The following POLD2 variants were observed in gnomAD, a reference collection of about 807,000 sequenced individuals.
The protein encoded by POLD2 is DNA polymerase delta 2, accessory subunit, also known as DNA polymerase delta subunit 2.
A neutral mutation model predicts 48.8 loss-of-function variants in POLD2; 31 were observed. The ratio of observed to expected loss-of-function variants is 0.64; its 90% confidence interval spans 0.48 to 0.86. POLD2 has a LOEUF of 0.86. Among genes scored for constraint, POLD2 ranks in the 40% least tolerant of loss-of-function variants. The pLI is 0.00. For synonymous variants in POLD2, 233 were observed against 256.3 expected (o/e 0.91, Z 0.87); for missense variants, 455 against 610.1 (o/e 0.75, Z 2.68).
At chr7:44,118,940 C>T (rs1485954302) in intron 2 of POLD2, among the ~76,000 whole-genome samples, 1 of 152,122 alleles carries the variant, frequency 6.6e-6, no homozygotes, top group Non-Finnish European at 1.5e-5. Flanking sequence ...AAGAAGCATG[C>T]CAAGTCTCAA....
chr7:44,122,307 A>G (rs1317240757), intron 1 of POLD2, 198 bp from the exon 2 acceptor site: 1 of 1,385,798 alleles, frequency 7.2e-7, no homozygotes, highest in African/African-American at 1.5e-5. Context: ...CAAAAAGAGA[A>G]AAGGAAAGCT....
At chr7:44,123,325 C>T (rs888553430) in intron 1 of POLD2, 186 bp downstream of exon 1, 1 of 1,365,776 alleles carries the variant, frequency 7.3e-7, no homozygotes, top group African/African-American at 1.5e-5. Flanking sequence ...GCAGCCAGGC[C>T]GCGCTACTCG....
chr7:44,116,762 T>TA lies in POLD2; in HGVS notation c.780+54dup. ...TACTCGCCCTGGGGAAGGAGGGTCTTACAGGCTTGCAGGCTCCTGGGCTGG... is the reference window on the plus strand; with the variant it reads ...TACTCGCCCTGGGGAAGGAGGGTCTTAACAGGCTTGCAGGCTCCTGGGCTGG... On this transcript the variant is annotated intron_variant, in intron 6 of 10. Transcript: ENST00000610533. The surrounding 1 kb of genome is among the most constrained non-coding windows in gnomAD (Gnocchi z 6.1). 6.3e-7 allele frequency: 1 copy of TA among 1,586,858 alleles called. No homozygotes were observed. Among genetic ancestry groups the TA allele is most frequent in the East Asian group, 2.2e-5 (1 of 44,708 alleles).
Position 44,116,572 on chromosome 7 carries a change from A to C in POLD2, c.781-62T>G, listed in dbSNP as rs1213746563. The C allele has an allele frequency of 1.5e-6, 2 of 1,309,642 alleles. No individual in the cohort carries two copies. The highest frequency in any genetic ancestry group is 2.2e-6 in the Non-Finnish European group (2 of 928,872). 81.1% of individuals were successfully genotyped at this position (1,309,642 alleles called of 1,614,324 possible). ...GAGTCCCAGGCTCAGAGGAGAGTAGAGCCCCACCAGCTGGAAGATGCAGTT... is the reference window on the plus strand; with the variant it reads ...GAGTCCCAGGCTCAGAGGAGAGTAGCGCCCCACCAGCTGGAAGATGCAGTT... On this transcript the variant is annotated intron_variant, in intron 6 of 10. Coordinates refer to ENST00000610533, the MANE Select transcript of POLD2 (RefSeq NM_006230.4). The surrounding 1 kb of genome is among the most constrained non-coding windows in gnomAD (Gnocchi z 6.1).
rs2096248780 is a variant in POLD2, at chr7:44,121,936, G to A, written c.118C>T (p.Arg40Trp). The change falls in exon 2 of 11, where the codon CGG (arginine) becomes TGG (tryptophan). Residue 40 changes from arginine to tryptophan, a missense_variant. This residue lies in a region of POLD2 where 349 missense variants were observed against 437.4 expected (regional missense o/e 0.80). Transcript: ENST00000610533. The surrounding 1 kb of genome is among the most constrained non-coding windows in gnomAD (Gnocchi z 4.5). ...CGGCTAAAGCTGCGCTCTCCTAGCC[G>A]GAAGGGTTGTGAGGAGTTGGTGTAG... ...ATYTNSSQPFRLGERSFSRQY... is the reference protein window; with the variant it reads ...ATYTNSSQPFWLGERSFSRQY... The A allele has an allele frequency of 1.9e-6, 3 of 1,613,882 alleles. No homozygotes were observed. Among genetic ancestry groups the A allele is most frequent in the East Asian group, 2.2e-5 (1 of 44,872 alleles).
At chr7:44,118,106 C>A (rs906470636) in intron 2 of POLD2, 42 bp from the exon 3 acceptor site, 2 of 1,607,152 alleles carry the variant, frequency 1.2e-6, no homozygotes, top group Non-Finnish European at 1.7e-6. Context: ...AAGTAGCCCC[C>A]CCGCCCGACA....
At chr7:44,117,510 C>G (rs2096242010) in intron 4 of POLD2, 109 bp downstream of exon 4, 1 of 1,376,424 alleles carries the variant, frequency 7.3e-7, no homozygotes, top group African/African-American at 1.4e-5. Flanking sequence ...CACGTGTGCC[C>G]AGGCCACACC....
Position 44,116,196 on chromosome 7 carries a change from G to A in POLD2, c.938C>T (p.Pro313Leu). Residue 313 changes from proline to leucine, a missense_variant, in exon 8 of 11, where the codon CCC becomes CTC. This residue lies in a region of POLD2 where 349 missense variants were observed against 437.4 expected (regional missense o/e 0.80). Transcript: ENST00000610533. The surrounding 1 kb of genome is among the most constrained non-coding windows in gnomAD (Gnocchi z 6.1). The part of the protein sequence containing the change: ...NYTLPQQPLH[P>L]CMFPLATAYS... ...GGCAGTGGCCAGCGGGAACATGCAG[G>A]GGTGGAGGGGCTGCTGGGGGAGCGT... 6.2e-7 allele frequency: 1 copy of A among 1,613,988 alleles called. No individual in the cohort carries two copies. Among genetic ancestry groups the A allele is most frequent in the Non-Finnish European group, 8.5e-7 (1 of 1,180,004 alleles).
At position 44,115,473 on chromosome 7, in the gene POLD2, C is replaced by T. The variant is rs1303882462; in HGVS notation, c.1148-77G>A. ...CTGCACAGGATGTGGGGCTGCAGCC[C>T]CTCCTCCCATTGCAGGCCAGTAGGA... On this transcript the variant is annotated intron_variant, in intron 9 of 10. Transcript: ENST00000610533. The T allele has an allele frequency of 1.5e-5, 15 of 983,360 alleles. 1 individual carries two copies. The South Asian group carries it at 1.9e-4, about 13-fold the overall frequency. The allele number at this position is 983,360 out of a possible 1,614,324, so 60.9% of individuals were successfully genotyped here. A position where few individuals can be genotyped will look rare whatever the true frequency, so the allele number is the denominator to read the frequency against.
At chr7:44,117,334 T>A in intron 4 of POLD2, 87 bp from the exon 5 acceptor site, 1 of 948,426 alleles carries the variant, frequency 1.1e-6, no homozygotes, top group Middle Eastern at 2.1e-4. Flanking sequence ...ACAAGCCAGT[T>A]CTCCACAACC....
In POLD2 at chr7:44,116,444, G is replaced by T; in HGVS notation, c.847C>A (p.Leu283Ile). The T allele has an allele frequency of 6.3e-7, 1 of 1,580,738 alleles. No individual in the cohort carries two copies. The highest frequency in any genetic ancestry group is 2.3e-5 in the East Asian group (1 of 43,464). The change falls in exon 7 of 11, where the codon CTC becomes ATC. Residue 283 changes from leucine (L) to isoleucine (I), a missense_variant. By Grantham distance (5) the Leu-to-Ile change is conservative (BLOSUM62 2). Coordinates refer to ENST00000610533, the MANE Select transcript of POLD2 (RefSeq NM_006230.4). The surrounding 1 kb of genome is among the most constrained non-coding windows in gnomAD (Gnocchi z 6.1). Reference protein sequence around the residue: ...VEAVKMLDEILLQLSASVPVD... With the variant: ...VEAVKMLDEIILQLSASVPVD... ...AGCTCGCTCACGCTCAGCTGCAGGA[G>T]GATCTCATCCAGCATCTTAACAGCC...
At position 44,121,598 on chromosome 7, in the gene POLD2, G is replaced by A. The variant is rs1476905032; in HGVS notation, c.220+236C>T. Reference sequence around the variant, plus strand: ...TGCCAGTGAAGTAATCGCCATCACCGCCAGAACTAAGTCCTCATCTCCAAC... The same window carrying A: ...TGCCAGTGAAGTAATCGCCATCACCACCAGAACTAAGTCCTCATCTCCAAC... On this transcript the variant is annotated intron_variant, in intron 2 of 10. Transcript: ENST00000610533. This position sits in a 1 kb window ranked among gnomAD's most constrained non-coding sequence, Gnocchi z 4.5. 1.3e-5 allele frequency among the ~76,000 whole-genome samples: 2 copies of A among 152,164 alleles called. No individual in the cohort carries two copies. Among genetic ancestry groups the A allele is most frequent in the East Asian group, 1.9e-4 (1 of 5,204 alleles).
At position 44,116,254 on chromosome 7, in the gene POLD2, C is replaced by T. The variant is rs760568459; in HGVS notation, c.880G>A (p.Val294Met). ...LQLSASVPVD[V>M]MPGEFDPTNY... ...GTGGGATCAAACTCGCCTGGCATCA[C>T]GTCCACGGGCACTGAGGCCTGGAAG... The change falls in exon 8 of 11, where the codon GTG (valine) becomes ATG (methionine). Residue 294 changes from valine to methionine, a missense_variant. Val to Met is a conservative substitution (Grantham distance 21). Around this residue, in one of 3 missense-constraint regions of POLD2, gnomAD observed 349 missense variants for 437.4 expected, o/e 0.80. Coordinates refer to ENST00000610533, the MANE Select transcript of POLD2 (RefSeq NM_006230.4). This position sits in a 1 kb window ranked among gnomAD's most constrained non-coding sequence, Gnocchi z 6.1. 43 of 1,610,488 alleles carry T rather than the reference C, an allele frequency of 2.7e-5. No homozygotes were observed. Among genetic ancestry groups the T allele is most frequent in the Admixed American group, 8.4e-5 (5 of 59,798 alleles).
At position 44,116,683 on chromosome 7, in the gene POLD2, CCAGAG is replaced by C; in HGVS notation, c.780+129_780+133del. On this transcript the variant is annotated intron_variant, in intron 6 of 10. Transcript: ENST00000610533. This position sits in a 1 kb window ranked among gnomAD's most constrained non-coding sequence, Gnocchi z 6.1. ...ATGAGGAGCCCCATTGCAGGAGGCC[CCAGAG>C]TCACTGCAGGGCGCTTCCCACCGAC... 74 of 1,062,154 alleles carry C rather than the reference CCAGAG, an allele frequency of 7.0e-5. No homozygotes were observed. The highest frequency in any genetic ancestry group is 9.3e-5 in the Non-Finnish European group (67 of 723,678). 65.8% of individuals were successfully genotyped at this position (1,062,154 alleles called of 1,614,324 possible). A position where few individuals can be genotyped will look rare whatever the true frequency, so the allele number is the denominator to read the frequency against.
intron 1 of POLD2, 168 bp downstream of exon 1, chr7:44,123,343 G>T (rs1055391990): frequency 9.0e-5 from 124 of 1,378,872 alleles, no homozygotes; most frequent in Non-Finnish European, 1.1e-4. Context: ...TCGGGATGGG[G>T]CCGAGAGCGC....
At position 44,117,341 on chromosome 7, in the gene POLD2, A is replaced by G; in HGVS notation, c.467-94T>C. 3 of 904,068 alleles carry G rather than the reference A, an allele frequency of 3.3e-6. No individual in the cohort carries two copies. The Admixed American group carries it at 6.1e-5, about 18-fold the overall frequency. 56.0% of individuals were successfully genotyped at this position (904,068 alleles called of 1,614,324 possible). The stretch of plus-strand genomic sequence containing the variant: ...CGGGCAAAACAAGCCAGTTCTCCAC[A>G]ACCACATTGGTGAATTCTCACCTAG... On this transcript the variant is annotated intron_variant, in intron 4 of 10. Transcript: ENST00000610533.
intron 1 of POLD2, 194 bp from the exon 2 acceptor site, chr7:44,122,303 G>A (rs2096249406): frequency 7.2e-7 from 1 of 1,389,362 alleles, no homozygotes; most frequent in South Asian, 1.7e-5. Context: ...CATCCAAAAA[G>A]AGAAAAGGAA....
chr7:44,121,516 A>G lies in POLD2; in HGVS notation c.220+318T>C, dbSNP rs188742844. 1.6e-4 allele frequency among the ~76,000 whole-genome samples: 24 copies of G among 152,304 alleles called. No individual in the cohort carries two copies. ...TGCCACACTGAGGGGCTCTCTGGCT[A>G]CAGCACAGGCAAATACCTGAATAAT... On this transcript the variant is annotated intron_variant, in intron 2 of 10. Coordinates refer to ENST00000610533, the MANE Select transcript of POLD2 (RefSeq NM_006230.4). This position sits in a 1 kb window ranked among gnomAD's most constrained non-coding sequence, Gnocchi z 4.5.
chr7:44,118,078 G>T lies in POLD2; in HGVS notation c.221-14C>A. Reference sequence around the variant, plus strand: ...CCACTCCACTGCCTGGGACACGAGGGGTACAGACTCAGAGATGAAGTAGCC... The same window carrying T: ...CCACTCCACTGCCTGGGACACGAGGTGTACAGACTCAGAGATGAAGTAGCC... On this transcript the variant is annotated splice_polypyrimidine_tract_variant and intron_variant, in intron 2 of 10. Coordinates refer to ENST00000610533, the MANE Select transcript of POLD2 (RefSeq NM_006230.4). 1 of 1,613,616 alleles carries T rather than the reference G, an allele frequency of 6.2e-7. No individual in the cohort carries two copies. Among genetic ancestry groups the T allele is most frequent in the Non-Finnish European group, 8.5e-7 (1 of 1,179,716 alleles).
Sources: allele counts gnomAD v4.1 joint callset (sites outside exome capture counted in the v4.1 genomes callset), GRCh38; gene constraint gnomAD v4.1.1; regional missense constraint gnomAD v4.1.1; non-coding constraint Gnocchi (gnomAD v3.1); transcripts MANE v1.5; gene names NCBI Gene and HGNC (gene_info 2026-07-23, HGNC 2026-07-21).